TRIM55: variants seen among roughly 807,000 people sequenced by gnomAD.
TRIM55 encodes tripartite motif-containing protein 55.
In TRIM55, 50 loss-of-function variants were observed where a neutral mutation model predicts 60.9. The observed-to-expected ratio is 0.82, with a 90% CI of 0.65 to 1.04. The LOEUF is 1.04. Among genes scored for constraint, TRIM55 ranks in the 50% least tolerant of loss-of-function variants. The pLI is 0.00. For synonymous variants in TRIM55, 237 were observed against 238.1 expected, an observed-to-expected ratio of 1.00 and a Z score of 0.04; for missense variants, 681 against 666.9, an observed-to-expected ratio of 1.02 and a Z score of -0.23.
At chr8:66,117,397 A>G in the TRIM55 span, among the ~76,000 whole-genome samples, 1 of 152,246 alleles carries the variant, frequency 6.6e-6, no homozygotes, top group Non-Finnish European at 1.5e-5. Context: ...ATAATATTTT[A>G]GATGTTCTGG....
the TRIM55 span, chr8:66,113,425 T>G: frequency 2.3e-6 from 1 of 444,204 alleles, no homozygotes; most frequent in Non-Finnish European, 4.5e-6. Context: ...GCAGGAGACA[T>G]CCTTAGGTCG....
chr8:66,146,856 A>G lies in TRIM55; in HGVS notation c.604-2789A>G, dbSNP rs765051210. On this transcript the variant is annotated intron_variant, in intron 4 of 9. Transcript: ENST00000315962. ...AGCCAGGCAATTTCCACATCTTGAC[A>G]TGCTGCATGGGCCCTTGTTCCATTA... Among the ~76,000 whole-genome samples, 11 of 152,330 alleles carry G rather than the reference A, an allele frequency of 7.2e-5. No individual in the cohort carries two copies. The South Asian group carries it at 2.1e-3, about 29-fold the overall frequency.
intron 7 of TRIM55, among the ~76,000 whole-genome samples, chr8:66,151,355 C>T (rs1485410327): frequency 6.6e-6 from 1 of 152,128 alleles, no homozygotes; most frequent in Non-Finnish European, 1.5e-5. Flanking sequence ...AATCTTGGAG[C>T]TGACCAAAAC....
At position 66,154,187 on chromosome 8, in the gene TRIM55, C is replaced by T; in HGVS notation, c.1377C>T (p.Cys459=). The change falls in exon 9 of 10, where the codon TGC becomes TGT. Residue 459 remains cysteine (C), a synonymous_variant. Transcript: ENST00000315962. The part of the protein sequence containing the change: ...QTRKATTNPP[C]TPGSEGLGQI... ...GGAAAGCCACCACCAACCCACCTTG[C>T]ACCCCAGGGAGCGAAGGTCTGGGGC... 4.3e-6 allele frequency: 7 copies of T among 1,614,134 alleles called. No individual in the cohort carries two copies. Among genetic ancestry groups the T allele is most frequent in the Non-Finnish European group, 5.9e-6 (7 of 1,180,024 alleles).
intron 7 of TRIM55, 67 bp downstream of exon 7, chr8:66,150,533 G>A: frequency 6.3e-7 from 1 of 1,584,898 alleles, no homozygotes; most frequent in Non-Finnish European, 8.6e-7. Flanking sequence ...GAGTTGGGTG[G>A]GAGGAAAGCG....
intron 2 of TRIM55, among the ~76,000 whole-genome samples, chr8:66,129,708 C>G (rs1245871692): frequency 2.6e-5 from 4 of 152,184 alleles, no homozygotes; most frequent in African/African-American, 9.7e-5. Flanking sequence ...CAAATACACA[C>G]TTGTCTCTTA....
At position 66,128,331 on chromosome 8, in the gene TRIM55, G is replaced by A. The variant is rs1808943652; in HGVS notation, c.196G>A (p.Gly66Arg). Residue 66 changes from glycine to arginine, a missense_variant, in exon 2 of 10, where the codon GGA (glycine) becomes AGA (arginine). Coordinates refer to ENST00000315962, the MANE Select transcript of TRIM55 (RefSeq NM_184085.2). ...CTCTAACCCGTATTTGCCCACAAGA[G>A]GAGGTACCACCATGGCATCAGGGGG... ...QASNPYLPTR[G>R]GTTMASGGRF... is the part of the protein sequence containing the mutation. 6.2e-7 allele frequency: 1 copy of A among 1,611,664 alleles called. No individual in the cohort carries two copies. Among genetic ancestry groups the A allele is most frequent in the Admixed American group, 1.7e-5 (1 of 59,446 alleles).
chr8:66,174,659 A>C lies in TRIM55; in HGVS notation c.*66A>C. ...ATGCATGTGGGCAGCAGGAAGCCCA[A>C]GTGAAATTAATATTATGCAGATGAT... On this transcript the variant is annotated 3_prime_UTR_variant, in exon 10 of 10. Coordinates refer to ENST00000315962, the MANE Select transcript of TRIM55 (RefSeq NM_184085.2). 1 of 1,468,446 alleles carries C rather than the reference A, an allele frequency of 6.8e-7. No homozygotes were observed. Among genetic ancestry groups the C allele is most frequent in the South Asian group, 1.3e-5 (1 of 75,216 alleles). The allele number at this position is 1,468,446 out of a possible 1,614,324, so 91.0% of individuals were successfully genotyped here.
chr8:66,173,680 T>C (rs1811763416), intron 9 of TRIM55, among the ~76,000 whole-genome samples: 1 of 152,208 alleles, frequency 6.6e-6, no homozygotes. Context: ...GCTCATAAAA[T>C]CAAATTGCAT....
chr8:66,174,241 G>C (rs1458028396), intron 9 of TRIM55, among the ~76,000 whole-genome samples: 1 of 150,958 alleles, frequency 6.6e-6, no homozygotes, highest in Non-Finnish European at 1.5e-5. Flanking sequence ...ATGCATTACT[G>C]TTCCTTCTTT....
At chr8:66,129,614 A>G (rs976814668) in intron 2 of TRIM55, among the ~76,000 whole-genome samples, 3 of 152,210 alleles carry the variant, frequency 2.0e-5, no homozygotes, top group African/African-American at 4.8e-5. Context: ...TTGCTTCCAA[A>G]GTCTCTTGAC....
chr8:66,158,661 G>A (rs563550533), intron 9 of TRIM55, among the ~76,000 whole-genome samples: 1 of 152,312 alleles, frequency 6.6e-6, no homozygotes, highest in South Asian at 2.1e-4. Context: ...TTTTCATTGG[G>A]AGGGTTATGG....
At chr8:66,136,835 C>T (rs1430424039) in intron 3 of TRIM55, among the ~76,000 whole-genome samples, 2 of 152,174 alleles carry the variant, frequency 1.3e-5, no homozygotes, top group Non-Finnish European at 2.9e-5. Context: ...TATTTATAAA[C>T]AATACTTAGA....
chr8:66,137,731 C>G (rs983859506), intron 4 of TRIM55, among the ~76,000 whole-genome samples: 8 of 148,404 alleles, frequency 5.4e-5, no homozygotes, highest in African/African-American at 2.0e-4. Context: ...CTCTGCCTGG[C>G]CCAATGCCTG....
chr8:66,128,346 G>C lies in TRIM55; in HGVS notation c.211G>C (p.Ala71Pro). 6.2e-7 allele frequency: 1 copy of C among 1,613,222 alleles called. No homozygotes were observed. The highest frequency in any genetic ancestry group is 8.5e-7 in the Non-Finnish European group (1 of 1,179,560). ...YLPTRGGTTM[A>P]SGGRFRCPSC... ...GCCCACAAGAGGAGGTACCACCATG[G>C]CATCAGGGGGCCGATTCCGCTGCCC... is the stretch of plus-strand genomic sequence containing the variant. Residue 71 changes from alanine to proline, a missense_variant, in exon 2 of 10, where the codon GCA becomes CCA. Coordinates refer to ENST00000315962, the MANE Select transcript of TRIM55 (RefSeq NM_184085.2).
chr8:66,149,254 G>A (rs1164432380), intron 4 of TRIM55, among the ~76,000 whole-genome samples: 2 of 152,052 alleles, frequency 1.3e-5, no homozygotes, highest in Non-Finnish European at 2.9e-5. Flanking sequence ...AAACCAGGAA[G>A]TATCATAGTA....
chr8:66,171,995 T>C (rs1013826237), intron 9 of TRIM55, among the ~76,000 whole-genome samples: 8 of 151,548 alleles, frequency 5.3e-5, no homozygotes, highest in African/African-American at 4.9e-5. Context: ...TGGTTTGTCA[T>C]AAACAGTACC....
rs1179987429 is a variant in TRIM55 at position 66,127,448 on chromosome 8, T to G, written c.168+12T>G. 6.2e-7 allele frequency: 1 copy of G among 1,613,562 alleles called. No homozygotes were observed. On this transcript the variant is annotated intron_variant, in intron 1 of 9. Transcript: ENST00000315962. ...GTGATATTTTCCAGGTAGGTTTGTT[T>G]GGAATTTGGTTGAGGGGAGGGGGTG...
chr8:66,166,935 C>T (rs1468622188), intron 9 of TRIM55, among the ~76,000 whole-genome samples: 36 of 152,176 alleles, frequency 2.4e-4, no homozygotes, highest in Admixed American at 2.4e-3. Context: ...CAGGATAGAT[C>T]GGCACAGCCT....
Sources: gnomAD v4.1 joint callset for allele counts (sites outside exome capture counted in the v4.1 genomes callset) on GRCh38, gnomAD v4.1.1 for gene constraint, MANE v1.5 for transcripts, NCBI Gene and HGNC (gene_info 2026-07-23, HGNC 2026-07-21) for gene names.